SLC25A29: variants seen among roughly 807,000 people sequenced by gnomAD.
SLC25A29 encodes mitochondrial basic amino acids transporter.
Under a neutral mutation model 10.0 loss-of-function variants are expected in SLC25A29, and 13 were observed. The observed-to-expected ratio is 1.30, with a 90% CI of 0.85 to 2.07. SLC25A29 has a LOEUF of 2.07. Ranked by LOEUF, SLC25A29 falls within the 30% of genes most tolerant of loss-of-function variation. The probability of loss-of-function intolerance (pLI) is 0.00; values close to 1 mark genes in which losing one functional copy is unlikely to be tolerated. For synonymous variants in SLC25A29, 244 were observed against 221.1 expected (o/e 1.10, Z -0.92); for missense variants, 475 against 447.6 (o/e 1.06, Z -0.55).
intron 1 of SLC25A29, among the ~76,000 whole-genome samples, chr14:100,301,014 C>A (rs1892507115): frequency 6.6e-6 from 1 of 152,128 alleles, no homozygotes; most frequent in Admixed American, 6.5e-5. Flanking sequence ...ATTCTCCTGC[C>A]TCAGCCTCCC....
rs1265343724 is a variant in SLC25A29 at position 100,306,246 on chromosome 14, G to A, written c.-14C>T. On this transcript the variant is annotated 5_prime_UTR_variant, in exon 1 of 4. Transcript: ENST00000359232. ...GTCCAGCGCCATGGCCGGGTCCCCG[G>A]CGAGGCCGCCTTTCCTCCTCGTCCT... 5 of 1,486,264 alleles carry A rather than the reference G, an allele frequency of 3.4e-6. No individual in the cohort carries two copies. Among genetic ancestry groups the A allele is most frequent in the Non-Finnish European group, 4.5e-6 (5 of 1,121,736 alleles). The allele number at this position is 1,486,264 out of a possible 1,614,324, so 92.1% of individuals were successfully genotyped here. A position where few individuals can be genotyped will look rare whatever the true frequency, so the allele number is the denominator to read the frequency against.
the SLC25A29 span, chr14:100,282,453 T>A: frequency 0.044 from 6,662 of 152,270 alleles, 217 homozygotes; most frequent in Non-Finnish European, 0.062. Flanking sequence ...TTTTTCTACA[T>A]TGTCCATACC....
chr14:100,291,845 C>CG lies in SLC25A29; in HGVS notation c.*437dup, dbSNP rs1891717376. ...CCAGAGGGGTGGCCCACCACCCCCC[C>CG]GGGTGGAGGATGTGTGGAGTTAGAG... On this transcript the variant is annotated 3_prime_UTR_variant, in exon 4 of 4. Coordinates refer to ENST00000359232, the MANE Select transcript of SLC25A29 (RefSeq NM_001039355.3). The CG allele has an allele frequency of 8.3e-6, 2 of 242,170 alleles. No individual in the cohort carries two copies. Among genetic ancestry groups the CG allele is most frequent in the African/African-American group, 2.4e-5 (1 of 42,078 alleles). 15.0% of individuals were successfully genotyped at this position (242,170 alleles called of 1,614,324 possible).
At chr14:100,302,751 G>A (rs1331585252) in intron 1 of SLC25A29, among the ~76,000 whole-genome samples, 2 of 151,814 alleles carry the variant, frequency 1.3e-5, no homozygotes, top group Non-Finnish European at 1.5e-5. Flanking sequence ...TTTCAGTGCT[G>A]CAGATGAGAA....
intron 2 of SLC25A29, chr14:100,296,273 A>G (rs2139716595): frequency 3.2e-6 from 1 of 314,024 alleles, no homozygotes; most frequent in African/African-American, 2.2e-5. Context: ...TAACTTCAAA[A>G]AAAACATGAG....
chr14:100,284,045 A>G, the SLC25A29 span, among the ~76,000 whole-genome samples: 5 of 152,192 alleles, frequency 3.3e-5, no homozygotes, highest in African/African-American at 9.6e-5. Context: ...TGCGCAGCCC[A>G]TAACATTTGT....
At chr14:100,283,162 A>G in the SLC25A29 span, among the ~76,000 whole-genome samples, 1 of 152,222 alleles carries the variant, frequency 6.6e-6, no homozygotes, top group Non-Finnish European at 1.5e-5. Flanking sequence ...ACTTGACCAA[A>G]TACACTGAGA....
At chr14:100,299,273 G>A (rs1892382260) in intron 1 of SLC25A29, 4 of 1,044,808 alleles carry the variant, frequency 3.8e-6, no homozygotes, top group African/African-American at 1.7e-5. Context: ...CAGAGATGTT[G>A]GACTTTGGGG....
At chr14:100,297,431 T>C (rs1421037744) in intron 2 of SLC25A29, among the ~76,000 whole-genome samples, 1 of 152,084 alleles carries the variant, frequency 6.6e-6, no homozygotes, top group Non-Finnish European at 1.5e-5. Flanking sequence ...GGCCAATTCA[T>C]AGCTCAGAGA....
At chr14:100,290,053 C>A (rs1390998330), downstream of SLC25A29, among the ~76,000 whole-genome samples, 1 of 152,196 alleles carries the variant, frequency 6.6e-6, no homozygotes, top group African/African-American at 2.4e-5. Context: ...TGTGTGCTGT[C>A]CCCAGAGGGC....
rs1195238776 is a variant in SLC25A29, at chr14:100,292,301, C to T, written c.894G>A (p.Ala298=). 10 of 1,526,644 alleles carry T rather than the reference C, an allele frequency of 6.6e-6. No individual in the cohort carries two copies. Among genetic ancestry groups the T allele is most frequent in the African/African-American group, 5.6e-5 (4 of 71,982 alleles). 94.6% of individuals were successfully genotyped at this position (1,526,644 alleles called of 1,614,324 possible). A position where few individuals can be genotyped will look rare whatever the true frequency, so the allele number is the denominator to read the frequency against. Residue 298 remains alanine (A), a synonymous_variant, in exon 4 of 4, where the codon GCG becomes GCA. Transcript: ENST00000359232. ...GTGAGCGTCACAGGCTGGAGGGCTGCGCCAGGGCAGGCCCCGCAGGGGCGG... is the reference window on the plus strand; with the variant it reads ...GTGAGCGTCACAGGCTGGAGGGCTGTGCCAGGGCAGGCCCCGCAGGGGCGG... ...VPAAPAGPAL[A]QPSSL
the SLC25A29 span, among the ~76,000 whole-genome samples, chr14:100,285,087 G>T: frequency 6.6e-6 from 1 of 151,914 alleles, no homozygotes; most frequent in East Asian, 1.9e-4. Flanking sequence ...AGGCAAGGAG[G>T]CAGGACGGGG....
intron 1 of SLC25A29, chr14:100,299,135 T>G: frequency 1.4e-6 from 2 of 1,382,608 alleles, no homozygotes; most frequent in Non-Finnish European, 9.3e-7. Flanking sequence ...GTGTCCCATC[T>G]GCAGGCTGCT....
intron 1 of SLC25A29, among the ~76,000 whole-genome samples, chr14:100,302,423 G>T (rs567405404): frequency 1.3e-5 from 2 of 149,792 alleles, no homozygotes; most frequent in Non-Finnish European, 3.0e-5. Flanking sequence ...GCAATGGCGC[G>T]ATCTCGGCTC....
In SLC25A29 at chr14:100,292,370, G is replaced by T; in HGVS notation, c.825C>A (p.Tyr275Ter). 6.5e-7 allele frequency: 1 copy of T among 1,538,010 alleles called. No homozygotes were observed. ...TFATVTVVLT[Y>*]ARGEEAGPEG... ...CGGGCCCGGCCTCCTCGCCGCGCGC[G>T]TAGGTGAGCACCACCGTGACGGTGG... is the stretch of plus-strand genomic sequence containing the variant. Residue 275 changes from tyrosine (Y) to a stop codon, truncating the protein, a stop_gained, in exon 4 of 4, where the codon TAC (tyrosine) becomes TAA (stop). Coordinates refer to ENST00000359232, the MANE Select transcript of SLC25A29 (RefSeq NM_001039355.3). LOFTEE classifies it low-confidence loss of function (END_TRUNC).
Position 100,306,204 on chromosome 14 carries a change from G to A in SLC25A29, c.29C>T (p.Ala10Val), listed in dbSNP as rs369683498. MALDFLAGC[A>V]GGVAGVLVGH... ...CCGGCCCGCCGCCTCCTTACCCCCC[G>A]CGCATCCAGCCAAGAAGTCCAGCGC... is the stretch of plus-strand genomic sequence containing the variant. The change falls in exon 1 of 4, where the codon GCG (alanine) becomes GTG (valine). Residue 10 changes from alanine (A) to valine (V), a missense_variant. Coordinates refer to ENST00000359232, the MANE Select transcript of SLC25A29 (RefSeq NM_001039355.3). The A allele has an allele frequency of 9.9e-6, 15 of 1,508,502 alleles. No homozygotes were observed. The African/African-American group carries it at 1.7e-4, about 17-fold the overall frequency. The allele number at this position is 1,508,502 out of a possible 1,614,324, so 93.4% of individuals were successfully genotyped here.
chr14:100,299,659 GT>G (rs1475851277), intron 1 of SLC25A29: 62 of 881,424 alleles, frequency 7.0e-5, no homozygotes, highest in Non-Finnish European at 8.2e-5. Flanking sequence ...TGTGCAGGTG[GT>G]AACCATCTCT....
chr14:100,305,792 T>G (rs1457964972), intron 1 of SLC25A29: 1 of 179,608 alleles, frequency 5.6e-6, no homozygotes, highest in Non-Finnish European at 1.2e-5. Context: ...CGGGACGGGG[T>G]GGAGTCAGTC....
intron 2 of SLC25A29, chr14:100,295,513 G>T: frequency 8.5e-7 from 1 of 1,182,150 alleles, no homozygotes; most frequent in Non-Finnish European, 1.1e-6. Context: ...CTGAGCCCAA[G>T]CTTGCCTCAC....
Sources: gnomAD v4.1 joint callset for allele counts (sites outside exome capture counted in the v4.1 genomes callset) on GRCh38, gnomAD v4.1.1 for gene constraint, MANE v1.5 for transcripts, NCBI Gene and HGNC (gene_info 2026-07-23, HGNC 2026-07-21) for gene names.